The following PARVB variants were observed in gnomAD, a reference collection of about 807,000 sequenced individuals.
The protein encoded by PARVB is parvin beta.
In PARVB, 46 loss-of-function variants were observed where a neutral mutation model predicts 47.0. That is an observed-to-expected ratio of 0.98 (90% CI 0.77 to 1.25). The LOEUF (loss-of-function observed/expected upper bound fraction) is 1.25. PARVB is among the 50% of genes most tolerant of loss of function. The pLI, the probability that PARVB is intolerant of heterozygous loss-of-function variation, is 0.00. For missense variants in PARVB, 473 were observed against 471.6 expected (o/e 1.00, Z -0.03); for synonymous variants, 196 against 196.3 (o/e 1.00, Z 0.01).
chr22:44,089,019 G>C lies in PARVB; in HGVS notation c.113-4909G>C, dbSNP rs1049486553. On this transcript the variant is annotated intron_variant, in intron 1 of 12. Transcript: ENST00000338758. This position sits in a 1 kb window ranked among gnomAD's most constrained non-coding sequence, Gnocchi z 4.0. Reference sequence around the variant, plus strand: ...AAACCCCACATTTCCAGCTTTTCTTGAAAACTCAGATCTGGTGACTGCAGC... The same window carrying C: ...AAACCCCACATTTCCAGCTTTTCTTCAAAACTCAGATCTGGTGACTGCAGC... Among the ~76,000 whole-genome samples, 2 of 152,092 alleles carry C rather than the reference G, an allele frequency of 1.3e-5. No individual in the cohort carries two copies. The highest frequency in any genetic ancestry group is 2.9e-5 in the Non-Finnish European group (2 of 68,018).
intron 9 of PARVB, chr22:44,148,233 C>T (rs368652137): frequency 9.8e-6 from 4 of 406,128 alleles, no homozygotes; most frequent in African/African-American, 6.2e-5. Flanking sequence ...AGCATGTCAG[C>T]CTGCTGCTCT....
At chr22:44,121,449 T>C (rs998219761) in intron 4 of PARVB, among the ~76,000 whole-genome samples, 4 of 152,178 alleles carry the variant, frequency 2.6e-5, no homozygotes, top group Non-Finnish European at 4.4e-5. Context: ...CTAAATATTA[T>C]GCTGGAGGTT....
intron 1 of PARVB, among the ~76,000 whole-genome samples, chr22:44,032,376 G>A (rs904355642): frequency 6.6e-6 from 1 of 152,118 alleles, no homozygotes; most frequent in Non-Finnish European, 1.5e-5. Context: ...CTGGGCCGTG[G>A]GGACTGAACG....
chr22:44,141,929 G>A (rs927436847), intron 8 of PARVB: 7 of 152,162 alleles, frequency 4.6e-5, no homozygotes, highest in African/African-American at 1.4e-4. Context: ...AAACCGCAGT[G>A]GGGTCACAGC....
chr22:44,029,867 G>A (rs1350081077), intron 1 of PARVB, among the ~76,000 whole-genome samples: 1 of 151,760 alleles, frequency 6.6e-6, no homozygotes, highest in Non-Finnish European at 1.5e-5. Context: ...CTGAGATCGC[G>A]CCACTGCACT....
intron 1 of PARVB, among the ~76,000 whole-genome samples, chr22:44,074,097 C>T (rs898778653): frequency 3.9e-5 from 6 of 152,116 alleles, no homozygotes; most frequent in African/African-American, 7.2e-5. Flanking sequence ...ACAGAATGGC[C>T]GACTCTGAGG....
At chr22:44,004,314 G>T (rs1024059413) in intron 2 of PARVB, among the ~76,000 whole-genome samples, 4 of 152,098 alleles carry the variant, frequency 2.6e-5, no homozygotes, top group African/African-American at 9.7e-5. Flanking sequence ...CGCAACTGAA[G>T]AAGGAATTAA....
At chr22:44,009,286 C>A (rs1357260369) in intron 2 of PARVB, among the ~76,000 whole-genome samples, 1 of 152,198 alleles carries the variant, frequency 6.6e-6, no homozygotes, top group Non-Finnish European at 1.5e-5. Flanking sequence ...TTTTAACATA[C>A]AAGTTGCAAA....
At chr22:44,075,086 G>A (rs1269675107) in intron 1 of PARVB, among the ~76,000 whole-genome samples, 3 of 152,126 alleles carry the variant, frequency 2.0e-5, no homozygotes, top group African/African-American at 4.8e-5. Context: ...ATGCCACTAC[G>A]TACCCTCCCA....
At chr22:44,016,258 A>G (rs779802811) in intron 2 of PARVB, among the ~76,000 whole-genome samples, 35 of 151,764 alleles carry the variant, frequency 2.3e-4, no homozygotes, top group Admixed American at 1.2e-3. Context: ...CACCAGGCCC[A>G]GCTAATTTTT....
chr22:44,025,262 G>T (rs1223510484), intron 1 of PARVB, among the ~76,000 whole-genome samples: 1 of 152,134 alleles, frequency 6.6e-6, no homozygotes, highest in East Asian at 1.9e-4. Context: ...TCCCATAGCG[G>T]GTATGCAGTA....
intron 3 of PARVB, among the ~76,000 whole-genome samples, chr22:44,117,738 G>GGGAC (rs1285701885): frequency 6.6e-6 from 1 of 152,168 alleles, no homozygotes; most frequent in African/African-American, 2.4e-5. Context: ...AGAGTGACAG[G>GGGAC]GGACGGTATA....
chr22:44,024,053 C>T (rs1232224496), upstream of PARVB, among the ~76,000 whole-genome samples: 1 of 152,174 alleles, frequency 6.6e-6, no homozygotes, highest in Admixed American at 6.5e-5. Flanking sequence ...GCACCACTAG[C>T]GGAGCCGAGC....
intron 2 of PARVB, 93 bp from the exon 3 acceptor site, chr22:44,099,960 C>G: frequency 9.9e-7 from 1 of 1,009,508 alleles, no homozygotes; most frequent in Non-Finnish European, 1.6e-6. Context: ...CTCTGCTTCT[C>G]CATTTGTCAG....
At chr22:44,032,234 G>T (rs2050838409) in intron 1 of PARVB, among the ~76,000 whole-genome samples, 1 of 152,114 alleles carries the variant, frequency 6.6e-6, no homozygotes, top group Non-Finnish European at 1.5e-5. Context: ...CTGGTTACAA[G>T]AAAAAAATGG....
At chr22:44,133,238 G>T (rs2053369161) in intron 6 of PARVB, among the ~76,000 whole-genome samples, 1 of 152,132 alleles carries the variant, frequency 6.6e-6, no homozygotes, top group African/African-American at 2.4e-5. Context: ...GGGTGTTGAG[G>T]TTTAATTTTC....
chr22:44,149,756 G>A (rs2053761758), intron 9 of PARVB: 1 of 147,148 alleles, frequency 6.8e-6, no homozygotes, highest in African/African-American at 2.5e-5. Flanking sequence ...AGGCCCTTTG[G>A]CGGGGGCCAG....
chr22:44,102,783 TG>T (rs1339605073), intron 3 of PARVB: 2 of 151,948 alleles, frequency 1.3e-5, no homozygotes, highest in Non-Finnish European at 2.9e-5. Flanking sequence ...AAGGGTGCAA[TG>T]AGCTAAGATT....
chr22:44,071,327 G>A (rs2051649724), intron 1 of PARVB, among the ~76,000 whole-genome samples: 1 of 152,174 alleles, frequency 6.6e-6, no homozygotes. Context: ...AGACCAAATA[G>A]GTGTCCTGCT....
Sources: allele counts gnomAD v4.1 joint callset (sites outside exome capture counted in the v4.1 genomes callset), GRCh38; gene constraint gnomAD v4.1.1; non-coding constraint Gnocchi (gnomAD v3.1); transcripts MANE v1.5; gene names NCBI Gene and HGNC (gene_info 2026-07-23, HGNC 2026-07-21).